The following C13orf42 variants were observed in gnomAD, a reference collection of about 807,000 sequenced individuals.
C13orf42 encodes the protein chromosome 13 open reading frame 42.
intron 1 of C13orf42, among the ~76,000 whole-genome samples, chr13:51,100,390 A>G (rs1018940153): frequency 7.2e-5 from 11 of 152,168 alleles, no homozygotes; most frequent in African/African-American, 2.4e-4. Context: ...TATATGGAAG[A>G]CAATGCGCTA....
chr13:51,148,039 C>T (rs527392626), intron 1 of C13orf42, among the ~76,000 whole-genome samples: 59 of 152,176 alleles, frequency 3.9e-4, no homozygotes, highest in Admixed American at 6.5e-5. Context: ...GGACCCTCCC[C>T]CAACACATGG....
At chr13:51,160,721 T>C (rs190808224) in intron 1 of C13orf42, among the ~76,000 whole-genome samples, 240 of 152,294 alleles carry the variant, frequency 1.6e-3, no homozygotes, top group Middle Eastern at 3.4e-3. Context: ...GGAATACCTA[T>C]AAATGATTAA....
chr13:51,152,038 G>C (rs1366120770), intron 1 of C13orf42, among the ~76,000 whole-genome samples: 1 of 152,168 alleles, frequency 6.6e-6, no homozygotes, highest in Non-Finnish European at 1.5e-5. Context: ...CAAGATCCCA[G>C]GGGATTCATA....
chr13:51,164,837 G>A (rs553263267), intron 1 of C13orf42, among the ~76,000 whole-genome samples: 2 of 152,290 alleles, frequency 1.3e-5, no homozygotes, highest in Non-Finnish European at 2.9e-5. Flanking sequence ...GAATGGATTT[G>A]ACATGGACTG....
At chr13:51,155,829 G>A (rs116005339) in intron 1 of C13orf42, among the ~76,000 whole-genome samples, 513 of 152,256 alleles carry the variant, frequency 3.4e-3, no homozygotes, top group African/African-American at 0.011. Context: ...CCTCAGAGGC[G>A]GGGTCTTGTT....
intron 1 of C13orf42, among the ~76,000 whole-genome samples, chr13:51,108,208 T>C (rs1953383096): frequency 6.6e-6 from 1 of 152,218 alleles, no homozygotes. Context: ...TCATCGTAAC[T>C]AATTACATCT....
intron 1 of C13orf42, among the ~76,000 whole-genome samples, chr13:51,104,282 G>A (rs1953324923): frequency 6.6e-6 from 1 of 152,110 alleles, no homozygotes; most frequent in South Asian, 2.1e-4. Context: ...AAAGCTCATG[G>A]GAGACTAGTG....
At chr13:51,124,596 T>G (rs972838176) in intron 1 of C13orf42, among the ~76,000 whole-genome samples, 1 of 152,214 alleles carries the variant, frequency 6.6e-6, no homozygotes, top group Non-Finnish European at 1.5e-5. Flanking sequence ...GAAATTTGCC[T>G]AAGCTTTGGA....
intron 1 of C13orf42, among the ~76,000 whole-genome samples, chr13:51,100,792 G>A (rs568474466): frequency 6.6e-6 from 1 of 152,238 alleles, no homozygotes; most frequent in African/African-American, 2.4e-5. Context: ...ATGACCTTTG[G>A]CCTTCAACCC....
At chr13:51,166,957 T>A (rs760894730) in intron 1 of C13orf42, among the ~76,000 whole-genome samples, 3 of 151,908 alleles carry the variant, frequency 2.0e-5, no homozygotes, top group Non-Finnish European at 4.4e-5. Context: ...TGCGCACCTA[T>A]AGTCCCAGCT....
At chr13:51,139,336 C>G (rs534649012) in intron 1 of C13orf42, among the ~76,000 whole-genome samples, 1 of 152,160 alleles carries the variant, frequency 6.6e-6, no homozygotes, top group African/African-American at 2.4e-5. Flanking sequence ...ATAAAATAGT[C>G]AAACTCATGG....
chr13:51,168,594 T>C (rs964935490), intron 1 of C13orf42, among the ~76,000 whole-genome samples: 4 of 152,220 alleles, frequency 2.6e-5, no homozygotes, highest in African/African-American at 9.6e-5. Flanking sequence ...GGCAACTCCC[T>C]ACAGAGAGGA....
At chr13:51,087,533 A>G in intron 2 of C13orf42, among the ~76,000 whole-genome samples, 2 of 152,164 alleles carry the variant, frequency 1.3e-5, no homozygotes, top group East Asian at 3.8e-4. Flanking sequence ...ATCTCAAAAA[A>G]CTGAAAGTGT....
At chr13:51,123,143 T>C (rs1953549710) in intron 1 of C13orf42, among the ~76,000 whole-genome samples, 1 of 152,084 alleles carries the variant, frequency 6.6e-6, no homozygotes, top group Admixed American at 6.6e-5. Context: ...GTTCCTCCCC[T>C]CCCCCAGGGA....
intron 1 of C13orf42, among the ~76,000 whole-genome samples, chr13:51,135,535 C>T (rs1013974783): frequency 6.6e-6 from 1 of 151,746 alleles, no homozygotes; most frequent in Non-Finnish European, 1.5e-5. Context: ...CGCCTGTAGT[C>T]CCAGCTACTC....
rs1953428560 is a variant in C13orf42, at chr13:51,111,171, T to G, written c.39A>C (p.Pro13=). 2.5e-6 allele frequency: 1 copy of G among 398,634 alleles called. No homozygotes were observed. Among genetic ancestry groups the G allele is most frequent in the East Asian group, 3.6e-5 (1 of 28,068 alleles). 24.7% of individuals were successfully genotyped at this position (398,634 alleles called of 1,614,324 possible). The part of the protein sequence containing the change: ...RKIHSIFNSS[P]QRKTAAESPF... Reference sequence around the variant, plus strand: ...GGCTCTCGGCCGCCGTCTTTCTCTGTGGGCTGGAGTTAAAGATGGAGTGGA... The same window carrying G: ...GGCTCTCGGCCGCCGTCTTTCTCTGGGGGCTGGAGTTAAAGATGGAGTGGA... The change falls in exon 1 of 4, where the codon CCA becomes CCC. Residue 13 remains proline (P), a synonymous_variant. Transcript: ENST00000563710.
intron 1 of C13orf42, among the ~76,000 whole-genome samples, chr13:51,106,308 T>TG (rs1953355270): frequency 2.6e-5 from 4 of 152,266 alleles, no homozygotes; most frequent in African/African-American, 9.6e-5. Context: ...CTACACAGAA[T>TG]CCACGTGCAG....
intron 1 of C13orf42, among the ~76,000 whole-genome samples, chr13:51,130,759 G>A (rs1331906475): frequency 6.6e-6 from 1 of 151,872 alleles, no homozygotes; most frequent in Admixed American, 6.6e-5. Flanking sequence ...AAAAGTAAAA[G>A]TCACTAAGAG....
Position 51,084,100 on chromosome 13 carries a change from G to T in C13orf42, c.*51C>A. On this transcript the variant is annotated 3_prime_UTR_variant, in exon 4 of 4. Coordinates refer to ENST00000563710, the MANE Select transcript of C13orf42 (RefSeq NM_001351589.3). ...AATACCTCATGCTGCGCTGAAAGCG[G>T]ACAGCTTCTCAGGGACCCAGTCTGA... 7.5e-6 allele frequency: 3 copies of T among 398,562 alleles called. No homozygotes were observed. The highest frequency in any genetic ancestry group is 1.3e-4 in the South Asian group (1 of 7,786). 24.7% of individuals were successfully genotyped at this position (398,562 alleles called of 1,614,324 possible).
Sources: gnomAD v4.1 joint callset for allele counts (sites outside exome capture counted in the v4.1 genomes callset) on GRCh38, gnomAD v4.1.1 for gene constraint, MANE v1.5 for transcripts, NCBI Gene and HGNC (gene_info 2026-07-23, HGNC 2026-07-21) for gene names.